Variants in LPP observed in about 807,000 individuals in gnomAD.
LPP encodes lipoma-preferred partner.
LPP carries 38 observed loss-of-function variants against 60.4 expected under a neutral mutation model. The observed-to-expected ratio is 0.63, with a 90% CI of 0.49 to 0.83. The LOEUF is 0.83. Ranked by LOEUF, LPP falls within the 40% of genes least tolerant of loss-of-function variation. The pLI, the probability that LPP is intolerant of heterozygous loss-of-function variation, is 0.00. For missense variants in LPP, 902 were observed against 783.6 expected (o/e 1.15, Z -1.80); for synonymous variants, 328 against 290.8 (o/e 1.13, Z -1.30).
At chr3:188,254,312 A>G (rs1470406173) in intron 2 of LPP, among the ~76,000 whole-genome samples, 1 of 152,234 alleles carries the variant, frequency 6.6e-6, no homozygotes, top group Non-Finnish European at 1.5e-5. Flanking sequence ...ACTGTCTGCC[A>G]GTTCCAAGAT....
intron 1 of LPP, among the ~76,000 whole-genome samples, chr3:188,192,732 C>G (rs1440253110): frequency 1.3e-5 from 2 of 152,194 alleles, no homozygotes; most frequent in Non-Finnish European, 2.9e-5. Context: ...TGGCCTCTCT[C>G]TCCTGGGAAT....
chr3:188,154,590 A>G (rs917238282), intron 1 of LPP, among the ~76,000 whole-genome samples: 1 of 152,214 alleles, frequency 6.6e-6, no homozygotes, highest in African/African-American at 2.4e-5. Flanking sequence ...CACAGCGGAA[A>G]GGGCCTAGAC....
chr3:188,249,965 A>C lies in LPP; in HGVS notation c.-67+24438A>C, dbSNP rs576373861. Among the ~76,000 whole-genome samples, 4 of 151,036 alleles carry C rather than the reference A, an allele frequency of 2.6e-5. No homozygotes were observed. The South Asian group carries it at 8.4e-4, about 32-fold the overall frequency. On this transcript the variant is annotated intron_variant, in intron 2 of 11. Coordinates refer to ENST00000617246, the MANE Select transcript of LPP (RefSeq NM_001375462.1). ...TATATCATTGCCTCTACCCCTAAGT[A>C]CAGTGTGTATTTCTTAATAATAAAA...
At chr3:188,629,008 A>G (rs1011110875) in intron 7 of LPP, among the ~76,000 whole-genome samples, 1 of 152,196 alleles carries the variant, frequency 6.6e-6, no homozygotes, top group African/African-American at 2.4e-5. Flanking sequence ...AAAAAACCAC[A>G]TGGTCATCTC....
At position 188,617,092 on chromosome 3, in the gene LPP, T is replaced by G. The variant is rs140184767; in HGVS notation, c.1113+7248T>G. ...AACATTTTATGTTTGAAAGATTTGC[T>G]TGCTGATTGAAAAAGAAACAGCGTG... On this transcript the variant is annotated intron_variant, in intron 7 of 11. Transcript: ENST00000617246. Among the ~76,000 whole-genome samples the G allele has an allele frequency of 7.4e-3, 1,123 of 152,290 alleles. 12 individuals are homozygous for G. Among genetic ancestry groups the G allele is most frequent in the African/African-American group, 0.025 (1,054 of 41,584 alleles).
chr3:188,356,722 T>C (rs1242289043), intron 3 of LPP, among the ~76,000 whole-genome samples: 1 of 152,154 alleles, frequency 6.6e-6, no homozygotes, highest in Non-Finnish European at 1.5e-5. Flanking sequence ...ATCCTTCAAT[T>C]TGAGATAAGA....
At chr3:188,386,748 C>G (rs1200196572) in intron 3 of LPP, among the ~76,000 whole-genome samples, 2 of 152,054 alleles carry the variant, frequency 1.3e-5, no homozygotes, top group Non-Finnish European at 2.9e-5. Context: ...ACTTTGATGC[C>G]CATTATTCTG....
chr3:188,531,982 C>T (rs1436550914), intron 6 of LPP, among the ~76,000 whole-genome samples: 1 of 152,054 alleles, frequency 6.6e-6, no homozygotes, highest in African/African-American at 2.4e-5. Flanking sequence ...GGACTTGAAC[C>T]CTTAACCTGT....
intron 7 of LPP, among the ~76,000 whole-genome samples, chr3:188,643,050 G>T (rs1233638421): frequency 2.8e-5 from 4 of 142,390 alleles, no homozygotes; most frequent in Non-Finnish European, 4.4e-5. Flanking sequence ...CTGGGTACAA[G>T]AAGAAGCGAG....
chr3:188,789,375 G>C (rs1742965712), intron 9 of LPP, among the ~76,000 whole-genome samples: 2 of 152,186 alleles, frequency 1.3e-5, no homozygotes, highest in Non-Finnish European at 2.9e-5. Context: ...GCTGGGCCCA[G>C]GGGGCTGGCC....
intron 7 of LPP, among the ~76,000 whole-genome samples, chr3:188,632,916 C>A (rs1848098726): frequency 6.6e-6 from 1 of 152,074 alleles, no homozygotes; most frequent in Admixed American, 6.6e-5. Context: ...GGTGGCTCTT[C>A]TCTCTCTCAT....
intron 2 of LPP, among the ~76,000 whole-genome samples, chr3:188,305,787 A>G (rs749388688): frequency 2.0e-5 from 3 of 152,232 alleles, no homozygotes; most frequent in Non-Finnish European, 4.4e-5. Context: ...TGATGCCAGT[A>G]GTGTCATGAA....
chr3:188,686,850 A>G (rs183831093), intron 7 of LPP, among the ~76,000 whole-genome samples: 1 of 152,322 alleles, frequency 6.6e-6, no homozygotes, highest in East Asian at 1.9e-4. Flanking sequence ...TCAGTGTGCT[A>G]TTTAAAAGCA....
In LPP at chr3:188,336,488, A is replaced by G. The variant is rs74649453; in HGVS notation, c.-66-5175A>G. Among the ~76,000 whole-genome samples, 552 of 152,332 alleles carry G rather than the reference A, an allele frequency of 3.6e-3. 2 individuals carry two copies. The highest frequency in any genetic ancestry group is 5.9e-3 in the Non-Finnish European group (402 of 68,030). On this transcript the variant is annotated intron_variant, in intron 2 of 11. Coordinates refer to ENST00000617246, the MANE Select transcript of LPP (RefSeq NM_001375462.1). ...TTGGCAACATGAGCCAGTAGGGTTCAGTGGCAACTTGGATCTCAGGGGATG... is the reference window on the plus strand; with the variant it reads ...TTGGCAACATGAGCCAGTAGGGTTCGGTGGCAACTTGGATCTCAGGGGATG...
At chr3:188,523,123 T>C (rs188008358) in intron 5 of LPP, among the ~76,000 whole-genome samples, 1 of 152,114 alleles carries the variant, frequency 6.6e-6, no homozygotes, top group African/African-American at 2.4e-5. Flanking sequence ...GCCAGGCTGG[T>C]CTTGAACTCC....
At chr3:188,574,168 C>G (rs1406080968) in intron 6 of LPP, among the ~76,000 whole-genome samples, 1 of 152,118 alleles carries the variant, frequency 6.6e-6, no homozygotes, top group Non-Finnish European at 1.5e-5. Context: ...TCTTCAGTGG[C>G]ATCCAGAGGA....
chr3:188,605,149 A>G (rs1181420214), intron 6 of LPP, among the ~76,000 whole-genome samples: 1 of 152,188 alleles, frequency 6.6e-6, no homozygotes, highest in Non-Finnish European at 1.5e-5. Context: ...GCAATAAATC[A>G]CTCTGGCTAC....
At chr3:188,400,845 C>T (rs1252218096) in intron 3 of LPP, among the ~76,000 whole-genome samples, 1 of 152,046 alleles carries the variant, frequency 6.6e-6, no homozygotes, top group Non-Finnish European at 1.5e-5. Flanking sequence ...CCAGCAACAC[C>T]AGTTCTCACC....
At chr3:188,259,084 G>A (rs921414172) in intron 2 of LPP, among the ~76,000 whole-genome samples, 2 of 152,032 alleles carry the variant, frequency 1.3e-5, no homozygotes, top group Admixed American at 6.6e-5. Context: ...TCTAGTTATG[G>A]GGTATTCACA....
Sources: gnomAD v4.1 joint callset for allele counts (sites outside exome capture counted in the v4.1 genomes callset) on GRCh38, gnomAD v4.1.1 for gene constraint, MANE v1.5 for transcripts, NCBI Gene and HGNC (gene_info 2026-07-23, HGNC 2026-07-21) for gene names.